ANK2: variants seen among roughly 807,000 people sequenced by gnomAD.
ANK2 encodes the protein ankyrin 2.
A neutral mutation model predicts 360.5 loss-of-function variants in ANK2; 83 were observed. The ratio of observed to expected loss-of-function variants is 0.23; its 90% CI spans 0.19 to 0.28. The LOEUF is 0.28. ANK2 is among the 10% of genes least tolerant of loss of function. The probability of loss-of-function intolerance (pLI) is 1.00; values close to 1 mark genes in which losing one functional copy is unlikely to be tolerated. For synonymous variants in ANK2, 1,740 were observed against 1,759.5 expected, an observed-to-expected ratio of 0.99 and a Z score of 0.28; for missense variants, 4,201 against 4,795.7, an observed-to-expected ratio of 0.88 and a Z score of 3.66.
chr4:113,213,871 A>G (rs2099053074), intron 4 of ANK2, among the ~76,000 whole-genome samples: 1 of 152,192 alleles, frequency 6.6e-6, no homozygotes, highest in Admixed American at 6.5e-5. Flanking sequence ...TGACATTGCA[A>G]TCAATCCCTA....
chr4:112,902,426 G>A (rs1440703248), intron 1 of ANK2, among the ~76,000 whole-genome samples: 1 of 152,218 alleles, frequency 6.6e-6, no homozygotes, highest in Non-Finnish European at 1.5e-5. Context: ...ACTAATATAA[G>A]AGCTGGAAAG....
chr4:113,212,729 T>C (rs1289646144), intron 4 of ANK2, among the ~76,000 whole-genome samples: 1 of 152,212 alleles, frequency 6.6e-6, no homozygotes, highest in Non-Finnish European at 1.5e-5. Flanking sequence ...CAAACAGTTG[T>C]TGTGAGATTA....
the ANK2 span, among the ~76,000 whole-genome samples, chr4:112,765,364 C>T: frequency 2.0e-5 from 3 of 152,086 alleles, no homozygotes; most frequent in Non-Finnish European, 2.9e-5. Flanking sequence ...TTCCTCATCC[C>T]TTTTTTTATG....
chr4:113,058,971 G>A (rs1404026101), intron 1 of ANK2, among the ~76,000 whole-genome samples: 2 of 152,150 alleles, frequency 1.3e-5, no homozygotes, highest in African/African-American at 4.8e-5. Context: ...AGCTGATTTG[G>A]TGTCTGATGA....
chr4:112,966,887 A>AT (rs2037488335), intron 2 of ANK2, among the ~76,000 whole-genome samples: 1 of 152,034 alleles, frequency 6.6e-6, no homozygotes, highest in Non-Finnish European at 1.5e-5. Context: ...GTCAAATCTC[A>AT]TTTTCAGCTT....
In ANK2 at chr4:113,357,168, G is replaced by A. The variant is rs748855197; in HGVS notation, c.8550G>A (p.Leu2850=). 8 of 1,614,010 alleles carry A rather than the reference G, an allele frequency of 5.0e-6. No individual in the cohort carries two copies. The African/African-American group carries it at 9.3e-5, about 19-fold the overall frequency. The part of the protein sequence containing the change: ...PSESFSSSSS[L]PHCLVSEGKE... Reference sequence around the variant, plus strand: ...AAAGCTTTTCATCTTCATCCTCTTTGCCTCATTGTTTGGTATCTGAAGGAA... The same window carrying A: ...AAAGCTTTTCATCTTCATCCTCTTTACCTCATTGTTTGGTATCTGAAGGAA... Residue 2850 remains leucine (L), a synonymous_variant, in exon 38 of 46, where the codon TTG becomes TTA. Coordinates refer to ENST00000357077, the MANE Select transcript of ANK2 (RefSeq NM_001148.6).
chr4:113,341,610 T>A, intron 32 of ANK2, 78 bp from the exon 33 acceptor site: 1 of 1,451,914 alleles, frequency 6.9e-7, no homozygotes, highest in South Asian at 1.1e-5. Flanking sequence ...ACTACTTTGA[T>A]CATATTGAAG....
At chr4:113,125,227 A>C (rs1446970908) in intron 1 of ANK2, among the ~76,000 whole-genome samples, 2 of 152,092 alleles carry the variant, frequency 1.3e-5, no homozygotes, top group Non-Finnish European at 2.9e-5. Context: ...CCAAAAGTCT[A>C]TTTTTTAGCG....
chr4:113,106,016 T>C lies in ANK2; in HGVS notation c.84+56204T>C, dbSNP rs541621465. Among the ~76,000 whole-genome samples, 45 of 152,332 alleles carry C rather than the reference T, an allele frequency of 3.0e-4. 1 individual carries two copies. The South Asian group carries it at 9.1e-3, about 31-fold the overall frequency. ...TTAAATTTTACTAGCTTTCTGTCAA[T>C]TCCTATTTTTACTCAAAAAATTATA... is the stretch of plus-strand genomic sequence containing the variant. On this transcript the variant is annotated intron_variant, in intron 1 of 45. Coordinates refer to ENST00000357077, the MANE Select transcript of ANK2 (RefSeq NM_001148.6).
At chr4:112,821,990 A>T (rs1186623804) in intron 1 of ANK2, among the ~76,000 whole-genome samples, 7 of 150,258 alleles carry the variant, frequency 4.7e-5, no homozygotes, top group Admixed American at 3.3e-4. Flanking sequence ...CTGGTCTTGA[A>T]CTCCTGGGCT....
intron 2 of ANK2, among the ~76,000 whole-genome samples, chr4:113,181,630 C>G (rs976940031): frequency 1.3e-5 from 2 of 151,980 alleles, no homozygotes; most frequent in African/African-American, 4.8e-5. Context: ...GGAATGGGAG[C>G]GGTGTGTCAC....
intron 1 of ANK2, chr4:113,070,212 C>T (rs2077063427): frequency 6.6e-6 from 1 of 152,136 alleles, no homozygotes; most frequent in African/African-American, 2.4e-5. Flanking sequence ...TAGCTTCCTT[C>T]ATTTGCTTCT....
chr4:113,143,574 C>T (rs995364444), intron 1 of ANK2, among the ~76,000 whole-genome samples: 4 of 152,148 alleles, frequency 2.6e-5, no homozygotes, highest in African/African-American at 7.2e-5. Flanking sequence ...AAATAGTACA[C>T]TAATTCCAAA....
At chr4:112,998,090 TAA>T (rs1161281515) in intron 2 of ANK2, among the ~76,000 whole-genome samples, 11 of 152,068 alleles carry the variant, frequency 7.2e-5, no homozygotes, top group Admixed American at 3.3e-4. Context: ...ACTAGAATTA[TAA>T]AAAGTCCATT....
chr4:112,934,358 C>A (rs1243045777), intron 2 of ANK2, among the ~76,000 whole-genome samples: 1 of 152,216 alleles, frequency 6.6e-6, no homozygotes, highest in Non-Finnish European at 1.5e-5. Flanking sequence ...GAGAAACATT[C>A]CAGCTGTCTG....
intron 41 of ANK2, among the ~76,000 whole-genome samples, chr4:113,367,158 T>C (rs1051782218): frequency 1.3e-5 from 2 of 152,206 alleles, no homozygotes; most frequent in Non-Finnish European, 2.9e-5. Flanking sequence ...GTATTAGCTA[T>C]TGTTTGTTAT....
chr4:113,373,789 C>A (rs1408097370), intron 45 of ANK2, among the ~76,000 whole-genome samples: 1 of 152,204 alleles, frequency 6.6e-6, no homozygotes, highest in Non-Finnish European at 1.5e-5. Context: ...TGTGGAGACA[C>A]CGTGTAGAAA....
At chr4:112,992,305 G>A (rs1231105856) in intron 2 of ANK2, among the ~76,000 whole-genome samples, 2 of 151,944 alleles carry the variant, frequency 1.3e-5, no homozygotes, top group African/African-American at 4.8e-5. Flanking sequence ...CACCACGCCC[G>A]GCTAATTTTT....
At chr4:113,174,114 G>A (rs560368237) in intron 1 of ANK2, 6 of 338,760 alleles carry the variant, frequency 1.8e-5, no homozygotes, top group South Asian at 7.6e-5. Context: ...CTTGAGGCTA[G>A]CATCAACACG....
Sources: allele counts gnomAD v4.1 joint callset (sites outside exome capture counted in the v4.1 genomes callset), GRCh38; gene constraint gnomAD v4.1.1; transcripts MANE v1.5; gene names NCBI Gene and HGNC (gene_info 2026-07-23, HGNC 2026-07-21).